PDE4B: variants seen among roughly 807,000 people sequenced by gnomAD.
The protein encoded by PDE4B is phosphodiesterase 4B.
Under a neutral mutation model 82.2 loss-of-function variants are expected in PDE4B, and 20 were observed. The ratio of observed to expected loss-of-function variants is 0.24; its 90% CI spans 0.17 to 0.35. The LOEUF (loss-of-function observed/expected upper bound fraction) is 0.35. Ranked by LOEUF, PDE4B falls within the 10% of genes least tolerant of loss-of-function variation. PDE4B has a pLI of 1.00. For missense variants in PDE4B, 655 were observed against 907.2 expected, an observed-to-expected ratio of 0.72 and a Z score of 3.57; for synonymous variants, 320 against 318.9, an observed-to-expected ratio of 1.00 and a Z score of -0.04.
chr1:66,208,640 A>G (rs571786503), intron 3 of PDE4B, among the ~76,000 whole-genome samples: 2 of 152,314 alleles, frequency 1.3e-5, no homozygotes, highest in South Asian at 4.1e-4. Context: ...GCAAAATCTT[A>G]ATTTCCTATA....
intron 3 of PDE4B, among the ~76,000 whole-genome samples, chr1:66,203,436 G>A (rs1482572258): frequency 6.6e-6 from 1 of 152,208 alleles, no homozygotes; most frequent in Non-Finnish European, 1.5e-5. Context: ...ATATCCTGCA[G>A]AGTGTTTTCC....
chr1:66,049,304 C>T (rs1233839771), intron 3 of PDE4B, among the ~76,000 whole-genome samples: 1 of 152,028 alleles, frequency 6.6e-6, no homozygotes, highest in African/African-American at 2.4e-5. Flanking sequence ...AATGTTACAA[C>T]TGTCAGGTCA....
chr1:65,842,715 C>T (rs1331857892), intron 1 of PDE4B, among the ~76,000 whole-genome samples: 1 of 151,938 alleles, frequency 6.6e-6, no homozygotes, highest in Non-Finnish European at 1.5e-5. Context: ...TGCAAAATAC[C>T]CACAAACATA....
At chr1:66,153,151 C>G (rs544966582) in intron 3 of PDE4B, among the ~76,000 whole-genome samples, 1 of 152,280 alleles carries the variant, frequency 6.6e-6, no homozygotes, top group South Asian at 2.1e-4. Flanking sequence ...TGCCCCACAC[C>G]AGATTGCAAA....
chr1:65,891,216 A>G (rs1235643619), intron 1 of PDE4B, among the ~76,000 whole-genome samples: 1 of 152,096 alleles, frequency 6.6e-6, no homozygotes, highest in Non-Finnish European at 1.5e-5. Flanking sequence ...TTTTATTTTT[A>G]ATTAATTAGT....
At chr1:66,147,888 C>T (rs143390651) in intron 3 of PDE4B, among the ~76,000 whole-genome samples, 176 of 152,274 alleles carry the variant, frequency 1.2e-3, no homozygotes, top group African/African-American at 4.0e-3. Context: ...CAAGTAAACC[C>T]TACCAAGTCT....
chr1:66,168,875 T>C (rs1646786269), intron 3 of PDE4B, among the ~76,000 whole-genome samples: 1 of 152,168 alleles, frequency 6.6e-6, no homozygotes, highest in Non-Finnish European at 1.5e-5. Context: ...ACAAAATGAG[T>C]CCTGTCCTGA....
At chr1:65,811,684 C>G (rs543356087) in intron 1 of PDE4B, among the ~76,000 whole-genome samples, 2 of 152,220 alleles carry the variant, frequency 1.3e-5, no homozygotes, top group Non-Finnish European at 2.9e-5. Flanking sequence ...ATAAAGTCAT[C>G]TAGCATAGTA....
At chr1:66,098,160 A>G (rs1385373205) in intron 3 of PDE4B, among the ~76,000 whole-genome samples, 1 of 152,070 alleles carries the variant, frequency 6.6e-6, no homozygotes, top group East Asian at 1.9e-4. Context: ...CTCTCACACA[A>G]TTGCATATCA....
intron 2 of PDE4B, among the ~76,000 whole-genome samples, chr1:65,914,528 A>T (rs142825721): frequency 2.1e-5 from 3 of 144,516 alleles, no homozygotes; most frequent in East Asian, 4.0e-4. Flanking sequence ...CTTAAGTTAT[A>T]GTCTAAGTTC....
At chr1:65,901,923 G>A (rs1221830756) in intron 1 of PDE4B, among the ~76,000 whole-genome samples, 1 of 151,908 alleles carries the variant, frequency 6.6e-6, no homozygotes, top group Non-Finnish European at 1.5e-5. Context: ...CTTGGTTTAG[G>A]TGTTTAGCAC....
chr1:66,041,093 C>T (rs1654342113), intron 3 of PDE4B, among the ~76,000 whole-genome samples: 1 of 151,874 alleles, frequency 6.6e-6, no homozygotes, highest in Non-Finnish European at 1.5e-5. Flanking sequence ...AGAACTAACC[C>T]ATACTAAGGT....
chr1:66,082,167 A>G (rs1656776694), intron 3 of PDE4B, among the ~76,000 whole-genome samples: 1 of 152,234 alleles, frequency 6.6e-6, no homozygotes, highest in African/African-American at 2.4e-5. Flanking sequence ...TCCTCATTGC[A>G]TACTTCATCA....
chr1:65,989,702 C>T (rs1313225817), intron 3 of PDE4B, among the ~76,000 whole-genome samples: 1 of 152,090 alleles, frequency 6.6e-6, no homozygotes, highest in East Asian at 1.9e-4. Flanking sequence ...TCCTAGGCAC[C>T]TGACAGGGCA....
intron 1 of PDE4B, among the ~76,000 whole-genome samples, chr1:65,855,059 C>A (rs1046579707): frequency 6.6e-6 from 1 of 151,076 alleles, no homozygotes; most frequent in Non-Finnish European, 1.5e-5. Flanking sequence ...TTATTTTCTA[C>A]ATTTAATTTC....
At chr1:65,855,542 G>A (rs1646382598) in intron 1 of PDE4B, among the ~76,000 whole-genome samples, 1 of 152,100 alleles carries the variant, frequency 6.6e-6, no homozygotes, top group Admixed American at 6.6e-5. Flanking sequence ...GAACTCAAAT[G>A]TTTCCCATTT....
chr1:65,973,729 A>T (rs1418842797), intron 3 of PDE4B, among the ~76,000 whole-genome samples: 1 of 152,234 alleles, frequency 6.6e-6, no homozygotes, highest in Non-Finnish European at 1.5e-5. Flanking sequence ...ACATTCATAC[A>T]TCCAATAAAT....
intron 3 of PDE4B, among the ~76,000 whole-genome samples, chr1:66,074,140 T>C (rs1656300621): frequency 6.6e-6 from 1 of 152,144 alleles, no homozygotes; most frequent in South Asian, 2.1e-4. Context: ...TGTGGAAATG[T>C]GATTGCTCAT....
At chr1:65,979,995 G>A (rs1015105465) in intron 3 of PDE4B, among the ~76,000 whole-genome samples, 2 of 152,110 alleles carry the variant, frequency 1.3e-5, no homozygotes, top group South Asian at 2.1e-4. Flanking sequence ...AGGAGAAGAC[G>A]TATGAACAGA....
Sources: gnomAD v4.1 joint callset for allele counts (sites outside exome capture counted in the v4.1 genomes callset) on GRCh38, gnomAD v4.1.1 for gene constraint, MANE v1.5 for transcripts, NCBI Gene and HGNC (gene_info 2026-07-23, HGNC 2026-07-21) for gene names.